BTRC: variants seen among roughly 807,000 people sequenced by gnomAD.
BTRC encodes F-box/WD repeat-containing protein 1A.
BTRC carries 42 observed loss-of-function variants against 85.5 expected under a neutral mutation model. The observed-to-expected ratio is 0.49, with a 90% CI of 0.38 to 0.64. The LOEUF (loss-of-function observed/expected upper bound fraction) is 0.64, where lower values mean the gene tolerates loss of function less well. Ranked by LOEUF, BTRC falls within the 30% of genes least tolerant of loss-of-function variation. The pLI, the probability that BTRC is intolerant of heterozygous loss-of-function variation, is 0.00. For missense variants in BTRC, 594 were observed against 743.5 expected, an observed-to-expected ratio of 0.80 and a Z score of 2.34; for synonymous variants, 255 against 263.3, an observed-to-expected ratio of 0.97 and a Z score of 0.30.
Position 101,521,824 on chromosome 10 carries a change from G to C in BTRC, c.510G>C (p.Ser170=), listed in dbSNP as rs527330134. 1.2e-6 allele frequency: 2 copies of C among 1,613,834 alleles called. No individual in the cohort carries two copies. The highest frequency in any genetic ancestry group is 2.2e-5 in the South Asian group (2 of 91,062). Residue 170 remains serine, a synonymous_variant, in exon 5 of 15, where the codon TCG becomes TCC. Coordinates refer to ENST00000370187, the MANE Select transcript of BTRC (RefSeq NM_033637.4). ...MCHYQHGHIN[S]YLKPMLQRDF... The stretch of plus-strand genomic sequence containing the variant: ...ATTACCAACATGGGCACATAAACTC[G>C]TATCTTAAACCTATGTTGCAGAGAG...
intron 1 of BTRC, among the ~76,000 whole-genome samples, chr10:101,383,039 G>C (rs956745054): frequency 6.9e-6 from 1 of 144,478 alleles, no homozygotes; most frequent in Non-Finnish European, 1.5e-5. Context: ...TGGAGGACTT[G>C]TTGGGCCTTC....
At chr10:101,457,699 G>GTT (rs1945117127) in intron 2 of BTRC, among the ~76,000 whole-genome samples, 1 of 151,970 alleles carries the variant, frequency 6.6e-6, no homozygotes. Context: ...GTTTGCTTAG[G>GTT]GTTGGTTTAA....
chr10:101,354,119 G>A (rs575637001), upstream of BTRC: 5 of 1,538,858 alleles, frequency 3.2e-6, no homozygotes, highest in East Asian at 1.2e-4. Context: ...CGCTGCGTTG[G>A]CTGCGGCCTG....
intron 1 of BTRC, among the ~76,000 whole-genome samples, chr10:101,384,343 T>A (rs963829139): frequency 6.6e-6 from 1 of 152,232 alleles, no homozygotes; most frequent in Non-Finnish European, 1.5e-5. Flanking sequence ...AATCACAGCC[T>A]TGAAGCAGCT....
At chr10:101,467,396 G>C (rs1012479431) in intron 3 of BTRC, among the ~76,000 whole-genome samples, 12 of 149,326 alleles carry the variant, frequency 8.0e-5, no homozygotes, top group African/African-American at 3.0e-4. Flanking sequence ...GTAATTAGAA[G>C]GTACACACAG....
chr10:101,370,042 C>T (rs1942587744), intron 1 of BTRC, among the ~76,000 whole-genome samples: 1 of 152,208 alleles, frequency 6.6e-6, no homozygotes, highest in Non-Finnish European at 1.5e-5. Flanking sequence ...CTTTTCACAT[C>T]ACATTTGGAC....
At chr10:101,465,099 T>C (rs921482610) in intron 3 of BTRC, among the ~76,000 whole-genome samples, 1 of 152,182 alleles carries the variant, frequency 6.6e-6, no homozygotes, top group African/African-American at 2.4e-5. Context: ...CTATTTTGTT[T>C]TTTTGTTTTT....
intron 1 of BTRC, among the ~76,000 whole-genome samples, chr10:101,423,631 G>A (rs1944168344): frequency 6.6e-6 from 1 of 152,138 alleles, no homozygotes; most frequent in African/African-American, 2.4e-5. Context: ...TGTCATTTAG[G>A]CACTATAACT....
At chr10:101,547,632 C>G (rs1014713916) in intron 13 of BTRC, among the ~76,000 whole-genome samples, 1 of 152,058 alleles carries the variant, frequency 6.6e-6, no homozygotes. Flanking sequence ...AGCCACTGCA[C>G]CCGGCCATGT....
intron 1 of BTRC, among the ~76,000 whole-genome samples, chr10:101,413,578 T>C (rs1166847701): frequency 6.6e-6 from 1 of 152,116 alleles, no homozygotes; most frequent in Non-Finnish European, 1.5e-5. Context: ...CCTCCCAAAG[T>C]ACTGGGATTA....
intron 2 of BTRC, among the ~76,000 whole-genome samples, chr10:101,460,776 A>G (rs1056503692): frequency 8.5e-5 from 13 of 152,360 alleles, no homozygotes; most frequent in Admixed American, 2.0e-4. Context: ...TAATAATTTC[A>G]TGCTTGTATG....
chr10:101,530,693 C>G (rs1282754673), intron 6 of BTRC, among the ~76,000 whole-genome samples: 1 of 152,112 alleles, frequency 6.6e-6, no homozygotes. Flanking sequence ...ATGTTCTACA[C>G]TGGAAATAAT....
intron 13 of BTRC, among the ~76,000 whole-genome samples, chr10:101,546,512 A>G (rs965046468): frequency 6.6e-6 from 1 of 152,156 alleles, no homozygotes; most frequent in Non-Finnish European, 1.5e-5. Context: ...AAAAATGAAA[A>G]CACAGCTATC....
intron 1 of BTRC, among the ~76,000 whole-genome samples, chr10:101,370,380 C>T (rs1000469293): frequency 1.3e-5 from 2 of 152,128 alleles, no homozygotes; most frequent in African/African-American, 2.4e-5. Context: ...TCCCAAAGTG[C>T]TGGTATTACA....
intron 5 of BTRC, among the ~76,000 whole-genome samples, chr10:101,524,529 C>T (rs905838429): frequency 6.6e-6 from 1 of 152,134 alleles, no homozygotes; most frequent in Non-Finnish European, 1.5e-5. Context: ...GTAAACCAAA[C>T]TACTTCAAAA....
chr10:101,354,151 CGGAGAGCGGACCCAGT>C, exon 1 of BTRC: 2 of 1,548,084 alleles, frequency 1.3e-6, no homozygotes, highest in Non-Finnish European at 1.7e-6. Flanking sequence ...GCGGCCCCGG[CGGAGAGCGGACCCAGT>C]GGCCTCGGCG....
At chr10:101,406,836 A>G (rs974316913) in intron 1 of BTRC, among the ~76,000 whole-genome samples, 14 of 152,076 alleles carry the variant, frequency 9.2e-5, no homozygotes, top group African/African-American at 3.4e-4. Flanking sequence ...GCCCGGCCTC[A>G]GCTTTCTTAT....
chr10:101,534,648 CTATCACT>C lies in BTRC; in HGVS notation c.1098-11_1098-5del. On this transcript the variant is annotated splice_region_variant and splice_polypyrimidine_tract_variant and intron_variant, in intron 9 of 14. Transcript: ENST00000370187. ...AGCTTGAGTACCATCTAAATCTCAT[CTATCACT>C]TCCAGAGTGTGGGATGTAAATACAG... 1 of 1,613,910 alleles carries C rather than the reference CTATCACT, an allele frequency of 6.2e-7. No homozygotes were observed. The highest frequency in any genetic ancestry group is 8.5e-7 in the Non-Finnish European group (1 of 1,179,876).
chr10:101,505,626 A>AT (rs1288577506), intron 4 of BTRC, among the ~76,000 whole-genome samples: 40 of 125,120 alleles, frequency 3.2e-4, no homozygotes, highest in East Asian at 8.5e-4. Context: ...TCTCAAAAAA[A>AT]TAAAAAAAAA....
Sources: gnomAD v4.1 joint callset for allele counts (sites outside exome capture counted in the v4.1 genomes callset) on GRCh38, gnomAD v4.1.1 for gene constraint, MANE v1.5 for transcripts, NCBI Gene and HGNC (gene_info 2026-07-23, HGNC 2026-07-21) for gene names.